Variants in SLIT3 observed in about 807,000 individuals in gnomAD.
SLIT3 encodes slit homolog 3 protein.
In SLIT3, 68 loss-of-function variants were observed where a neutral mutation model predicts 184.0. The observed-to-expected ratio is 0.37, with a 90% CI of 0.30 to 0.45. The LOEUF is 0.45. SLIT3 is among the 20% of genes least tolerant of loss of function. The probability of loss-of-function intolerance (pLI) is 1.00; values close to 1 mark genes in which losing one functional copy is unlikely to be tolerated. For missense variants in SLIT3, 1,707 were observed against 2,026.0 expected (o/e 0.84, Z 3.02); for synonymous variants, 831 against 828.6 (o/e 1.00, Z -0.05).
intron 12 of SLIT3, among the ~76,000 whole-genome samples, chr5:168,776,253 C>T (rs1044808830): frequency 1.4e-4 from 21 of 152,148 alleles, no homozygotes; most frequent in East Asian, 3.9e-4. Context: ...CCCACGGTCC[C>T]GGTGCACCCC....
intron 4 of SLIT3, among the ~76,000 whole-genome samples, chr5:169,163,279 C>T (rs1762536072): frequency 6.6e-6 from 1 of 152,084 alleles, no homozygotes; most frequent in Admixed American, 6.6e-5. Context: ...CAAGATTGTG[C>T]CATTGCATTC....
intron 4 of SLIT3, among the ~76,000 whole-genome samples, chr5:168,954,692 G>C (rs772253573): frequency 6.6e-6 from 1 of 152,238 alleles, no homozygotes; most frequent in African/African-American, 2.4e-5. Flanking sequence ...CTAGCACTGA[G>C]GGAGCTCAAA....
chr5:169,084,087 C>T (rs555339330), intron 4 of SLIT3, among the ~76,000 whole-genome samples: 1 of 152,208 alleles, frequency 6.6e-6, no homozygotes, highest in South Asian at 2.1e-4. Flanking sequence ...TTTCTGGAAT[C>T]CTCAACTCTT....
intron 4 of SLIT3, among the ~76,000 whole-genome samples, chr5:168,966,221 G>C (rs1275557006): frequency 6.6e-6 from 1 of 152,172 alleles, no homozygotes; most frequent in Non-Finnish European, 1.5e-5. Context: ...CCCCAGGTGA[G>C]CTCTCGATCT....
rs549150495 is a variant in SLIT3 at position 168,738,619 on chromosome 5, A to T, written c.2270+9683T>A. ...TTAGTAGATAATTTCTTGAAAATGAACAAAGTAAGCCCATCACTTTAAAAA... is the reference window on the plus strand; with the variant it reads ...TTAGTAGATAATTTCTTGAAAATGATCAAAGTAAGCCCATCACTTTAAAAA... On this transcript the variant is annotated intron_variant, in intron 20 of 35. Transcript: ENST00000519560. 6.2e-4 allele frequency among the ~76,000 whole-genome samples: 95 copies of T among 152,312 alleles called. 2 individuals carry two copies. Among genetic ancestry groups the T allele is most frequent in the South Asian group, 3.3e-3 (16 of 4,828 alleles).
At chr5:168,762,439 G>A (rs1755189361) in intron 15 of SLIT3, 100 bp downstream of exon 15, 1 of 1,292,226 alleles carries the variant, frequency 7.7e-7, no homozygotes. Flanking sequence ...CCACATGACT[G>A]AGCCAGGAAG....
rs191732924 is a variant in SLIT3, at chr5:169,124,422, G to A, written c.413+69057C>T. Among the ~76,000 whole-genome samples, 7 of 152,276 alleles carry A rather than the reference G, an allele frequency of 4.6e-5. No individual in the cohort carries two copies. In the East Asian group the frequency reaches 1.4e-3, roughly 29 times the overall value. ...CAAGACATTCCTTTGGGGAAAATTGGAAAAGAGCTCCCTTTCCTCTGGGCA... is the reference window on the plus strand; with the variant it reads ...CAAGACATTCCTTTGGGGAAAATTGAAAAAGAGCTCCCTTTCCTCTGGGCA... On this transcript the variant is annotated intron_variant, in intron 4 of 35. Transcript: ENST00000519560.
chr5:169,226,425 A>G (rs1164345580), intron 3 of SLIT3, among the ~76,000 whole-genome samples: 2 of 152,176 alleles, frequency 1.3e-5, no homozygotes, highest in South Asian at 4.2e-4. Flanking sequence ...CAGTCACAAA[A>G]CAAGAGTCCC....
In SLIT3 at chr5:169,227,120, A is replaced by G. The variant is rs149201715; in HGVS notation, c.341+17585T>C. The stretch of plus-strand genomic sequence containing the variant: ...GGGAGGGGTGGAAGACACAGAGGAG[A>G]CAGGGCCACCCCTAGTGGGCACTGG... On this transcript the variant is annotated intron_variant, in intron 3 of 35. Transcript: ENST00000519560. Among the ~76,000 whole-genome samples the G allele has an allele frequency of 3.2e-3, 489 of 152,290 alleles. 3 individuals are homozygous for G. Among genetic ancestry groups the G allele is most frequent in the African/African-American group, 0.011 (467 of 41,566 alleles).
intron 4 of SLIT3, among the ~76,000 whole-genome samples, chr5:169,141,600 G>A (rs1171868284): frequency 2.6e-5 from 4 of 151,766 alleles, no homozygotes; most frequent in African/African-American, 7.3e-5. Flanking sequence ...TTAGCCAGGC[G>A]TGGTGGCGGG....
chr5:169,233,421 G>A (rs1481381270), intron 3 of SLIT3, among the ~76,000 whole-genome samples: 1 of 136,768 alleles, frequency 7.3e-6, no homozygotes. Flanking sequence ...TTTTTTTTTG[G>A]TGTATTGACC....
intron 4 of SLIT3, among the ~76,000 whole-genome samples, chr5:169,044,805 T>G (rs975203619): frequency 1.6e-4 from 25 of 152,260 alleles, no homozygotes; most frequent in African/African-American, 5.5e-4. Flanking sequence ...AAAGAGAATG[T>G]CTCTAAACAG....
At chr5:169,001,535 G>A (rs1221689286) in intron 4 of SLIT3, among the ~76,000 whole-genome samples, 1 of 151,986 alleles carries the variant, frequency 6.6e-6, no homozygotes, top group African/African-American at 2.4e-5. Flanking sequence ...TATGAGAGTG[G>A]GAATGAGAAA....
At chr5:169,187,630 C>CTG (rs1376576897) in intron 4 of SLIT3, among the ~76,000 whole-genome samples, 1 of 149,420 alleles carries the variant, frequency 6.7e-6, no homozygotes, top group East Asian at 2.0e-4. Flanking sequence ...TCTCGGCTAA[C>CTG]TGCCACCTCC....
In SLIT3 at chr5:168,905,392, A is replaced by T. The variant is rs555067822; in HGVS notation, c.414-22056T>A. ...CTGGTGCAGCCTTCTTCTTTTGAAA[A>T]TTGTTTTTTCATTATCAAGATATCC... On this transcript the variant is annotated intron_variant, in intron 4 of 35. Transcript: ENST00000519560. 3.3e-5 allele frequency among the ~76,000 whole-genome samples: 5 copies of T among 152,236 alleles called. No homozygotes were observed. In the East Asian group the frequency reaches 9.7e-4, roughly 29 times the overall value.
At chr5:168,955,479 A>G (rs940299169) in intron 4 of SLIT3, among the ~76,000 whole-genome samples, 2 of 152,204 alleles carry the variant, frequency 1.3e-5, no homozygotes, top group Admixed American at 6.5e-5. Context: ...TCACTCGTTC[A>G]GGCTGCAGGT....
chr5:169,253,852 A>G (rs928479643), intron 1 of SLIT3, among the ~76,000 whole-genome samples: 1 of 152,154 alleles, frequency 6.6e-6, no homozygotes, highest in Non-Finnish European at 1.5e-5. Context: ...GTGGCTGACA[A>G]ATAGAATAAT....
intron 6 of SLIT3, among the ~76,000 whole-genome samples, chr5:168,843,893 G>A (rs1348395268): frequency 1.3e-5 from 2 of 152,166 alleles, no homozygotes; most frequent in African/African-American, 4.8e-5. Context: ...GCTCAGAAAG[G>A]CAGCTACACA....
intron 4 of SLIT3, among the ~76,000 whole-genome samples, chr5:168,917,209 T>C (rs753786852): frequency 1.8e-4 from 28 of 152,204 alleles, no homozygotes; most frequent in Non-Finnish European, 3.5e-4. Context: ...ATCAATACCC[T>C]ACCTAAGATC....
Sources: gnomAD v4.1 joint callset for allele counts (sites outside exome capture counted in the v4.1 genomes callset) on GRCh38, gnomAD v4.1.1 for gene constraint, MANE v1.5 for transcripts, NCBI Gene and HGNC (gene_info 2026-07-23, HGNC 2026-07-21) for gene names.